MROH2B: variants seen among roughly 807,000 people sequenced by gnomAD.
MROH2B encodes maestro heat like repeat family member 2B.
MROH2B carries 177 observed loss-of-function variants against 208.6 expected under a neutral mutation model. The observed-to-expected ratio is 0.85, with a 90% CI of 0.75 to 0.96. MROH2B has a LOEUF of 0.96. Ranked by LOEUF, MROH2B falls within the 40% of genes least tolerant of loss-of-function variation. MROH2B has a pLI of 0.00. For missense variants in MROH2B, 2,002 were observed against 1,878.7 expected (o/e 1.07, Z -1.21); for synonymous variants, 728 against 659.0 (o/e 1.10, Z -1.60).
intron 22 of MROH2B, among the ~76,000 whole-genome samples, chr5:41,033,444 T>C (rs1021774925): frequency 1.3e-5 from 2 of 152,164 alleles, no homozygotes; most frequent in East Asian, 1.9e-4. Flanking sequence ...TTCCACCTAG[T>C]ACCTGTATGC....
At chr5:41,010,812 C>A (rs1741750323) in intron 30 of MROH2B, among the ~76,000 whole-genome samples, 1 of 152,156 alleles carries the variant, frequency 6.6e-6, no homozygotes, top group Non-Finnish European at 1.5e-5. Context: ...TGTAGGTTTA[C>A]TGATCGTAAC....
At chr5:41,019,124 G>A in intron 24 of MROH2B, 106 bp from the exon 25 acceptor site, 4 of 1,415,828 alleles carry the variant, frequency 2.8e-6, no homozygotes, top group Non-Finnish European at 3.9e-6. Context: ...CAACTAACGT[G>A]TCACATTTTC....
chr5:41,000,440 G>A lies in MROH2B; in HGVS notation c.4351-89C>T, dbSNP rs1444337413. ...AATGCTGAATAGTACTGGGAAAGAAGCACTAAAAGTCAGTGGTGTGAATGG... is the reference window on the plus strand; with the variant it reads ...AATGCTGAATAGTACTGGGAAAGAAACACTAAAAGTCAGTGGTGTGAATGG... On this transcript the variant is annotated intron_variant, in intron 38 of 41. Coordinates refer to ENST00000399564, the MANE Select transcript of MROH2B (RefSeq NM_173489.5). 9.3e-6 allele frequency: 14 copies of A among 1,510,984 alleles called. No individual in the cohort carries two copies. The East Asian group carries it at 2.8e-4, about 30-fold the overall frequency. The allele number at this position is 1,510,984 out of a possible 1,614,324, so 93.6% of individuals were successfully genotyped here. A position where few individuals can be genotyped will look rare whatever the true frequency, so the allele number is the denominator to read the frequency against.
chr5:41,018,491 TTC>T, intron 26 of MROH2B, 61 bp from the exon 27 acceptor site: 1 of 1,545,252 alleles, frequency 6.5e-7, no homozygotes, highest in Non-Finnish European at 8.8e-7. Context: ...TAGTTTCATA[TTC>T]TCTTTTTCTG....
At chr5:41,020,666 G>A (rs1375429792) in intron 24 of MROH2B, among the ~76,000 whole-genome samples, 3 of 151,946 alleles carry the variant, frequency 2.0e-5, no homozygotes, top group African/African-American at 7.3e-5. Flanking sequence ...GCCCAAAGGT[G>A]TTTATCAAAG....
chr5:41,069,733 G>C lies in MROH2B; in HGVS notation c.48C>G (p.Asn16Lys). ...EESIEMFGDI[N>K]LTLGMLNKED... is the part of the protein sequence containing the mutation. ...CCTTGTTCAGCATGCCAAGAGTGAG[G>C]TTAATATCCCCAAACATCTCTAAAA... Residue 16 changes from asparagine (N) to lysine (K), a missense_variant, in exon 2 of 42, where the codon AAC (asparagine) becomes AAG (lysine). Asn to Lys is a moderately conservative substitution (Grantham distance 94). Coordinates refer to ENST00000399564, the MANE Select transcript of MROH2B (RefSeq NM_173489.5). 6.2e-7 allele frequency: 1 copy of C among 1,606,630 alleles called. No individual in the cohort carries two copies. The highest frequency in any genetic ancestry group is 8.5e-7 in the Non-Finnish European group (1 of 1,175,574).
chr5:41,029,169 C>T (rs537184140), intron 24 of MROH2B, among the ~76,000 whole-genome samples: 5 of 152,126 alleles, frequency 3.3e-5, no homozygotes, highest in Admixed American at 2.6e-4. Context: ...GCTATCTTAA[C>T]AGGTATGAGG....
chr5:41,024,050 A>G (rs1742257991), intron 24 of MROH2B, among the ~76,000 whole-genome samples: 1 of 152,196 alleles, frequency 6.6e-6, no homozygotes, highest in Non-Finnish European at 1.5e-5. Context: ...AACATGGTAA[A>G]GAACAACCAG....
intron 34 of MROH2B, among the ~76,000 whole-genome samples, chr5:41,005,986 G>A (rs573644433): frequency 6.1e-5 from 9 of 148,640 alleles, no homozygotes; most frequent in African/African-American, 2.0e-4. Flanking sequence ...AGCCGAGATC[G>A]CGCCACTGCA....
intron 17 of MROH2B, 98 bp downstream of exon 17, chr5:41,047,623 T>A: frequency 9.2e-7 from 1 of 1,090,284 alleles, no homozygotes; most frequent in East Asian, 2.6e-5. Flanking sequence ...AAAGGTTGTT[T>A]ATTATCCTCA....
At chr5:41,003,112 C>T (rs567653454) in intron 37 of MROH2B, among the ~76,000 whole-genome samples, 20 of 152,054 alleles carry the variant, frequency 1.3e-4, no homozygotes, top group African/African-American at 2.9e-4. Flanking sequence ...AGGCGCGCAC[C>T]GCCACACCCA....
At chr5:41,033,427 T>C (rs923959220) in intron 22 of MROH2B, among the ~76,000 whole-genome samples, 5 of 152,110 alleles carry the variant, frequency 3.3e-5, no homozygotes, top group African/African-American at 7.2e-5. Context: ...TAGGAAACAG[T>C]TTACAATTCC....
chr5:40,999,556 G>T, intron 40 of MROH2B, 121 bp downstream of exon 40: 1 of 677,022 alleles, frequency 1.5e-6, no homozygotes, highest in Non-Finnish European at 2.4e-6. Flanking sequence ...AGCCCTTTCT[G>T]GGCTTTAATA....
At chr5:41,039,738 G>A (rs1052894540) in intron 19 of MROH2B, among the ~76,000 whole-genome samples, 183 bp from the exon 20 acceptor site, 4 of 152,114 alleles carry the variant, frequency 2.6e-5, no homozygotes, top group African/African-American at 9.7e-5. Flanking sequence ...GAAGCAACAG[G>A]GAAGTGAAAT....
chr5:41,061,619 A>G lies in MROH2B; in HGVS notation c.566T>C (p.Leu189Pro). The G allele has an allele frequency of 6.2e-7, 1 of 1,613,948 alleles. No individual in the cohort carries two copies. The highest frequency in any genetic ancestry group is 8.5e-7 in the Non-Finnish European group (1 of 1,179,848). The stretch of plus-strand genomic sequence containing the variant: ...CCACTTCTCCATTATATACCAGAAC[A>G]GCATGAAGATCTTGTCAGACAGTCG... ...ANRLSDKIFMLFWYIMEKWAP... is the reference protein window; with the variant it reads ...ANRLSDKIFMPFWYIMEKWAP... The change falls in exon 6 of 42, where the codon CTG (leucine) becomes CCG (proline). Residue 189 changes from leucine to proline, a missense_variant. Coordinates refer to ENST00000399564, the MANE Select transcript of MROH2B (RefSeq NM_173489.5).
chr5:40,998,359 GC>G (rs1741275315), intron 41 of MROH2B, among the ~76,000 whole-genome samples: 1 of 152,134 alleles, frequency 6.6e-6, no homozygotes, highest in Non-Finnish European at 1.5e-5. Context: ...GGAAGAGAAG[GC>G]CCTGACCTTG....
chr5:41,049,166 C>A (rs1396699283), intron 14 of MROH2B, 25 bp from the exon 15 acceptor site: 1 of 1,602,406 alleles, frequency 6.2e-7, no homozygotes, highest in African/African-American at 1.3e-5. Flanking sequence ...CAATTTTCAT[C>A]ATCACTGCAG....
chr5:41,050,977 C>CT lies in MROH2B; in HGVS notation c.1343dup (p.Val449GlyfsTer24). ...TAAGTGGTGACAAAAGACCACTTACCTGAGGCATTCCAATGACCAGTGGGT... is the reference window on the plus strand; with the variant it reads ...TAAGTGGTGACAAAAGACCACTTACCTTGAGGCATTCCAATGACCAGTGGGT... On this transcript the variant is annotated frameshift_variant and splice_region_variant, in exon 13 of 42. Coordinates refer to ENST00000399564, the MANE Select transcript of MROH2B (RefSeq NM_173489.5). LOFTEE classifies it high-confidence loss of function. 1 of 1,565,250 alleles carries CT rather than the reference C, an allele frequency of 6.4e-7. No individual in the cohort carries two copies. The highest frequency in any genetic ancestry group is 8.6e-7 in the Non-Finnish European group (1 of 1,158,432).
Position 41,004,470 on chromosome 5 carries a change from G to C in MROH2B, c.4070C>G (p.Ala1357Gly). The change falls in exon 37 of 42, where the codon GCT becomes GGT. Residue 1357 changes from alanine to glycine, a missense_variant. Ala to Gly is a moderately conservative substitution (Grantham distance 60, BLOSUM62 0). Coordinates refer to ENST00000399564, the MANE Select transcript of MROH2B (RefSeq NM_173489.5). ...GCTTTCACAGACGACTTCAGTGCGAGCTAGGTGATACAGGCCTCTGATGAT... is the reference window on the plus strand; with the variant it reads ...GCTTTCACAGACGACTTCAGTGCGACCTAGGTGATACAGGCCTCTGATGAT... Reference protein sequence around the residue: ...ESIIRGLYHLARTEVVCESLK... With the variant: ...ESIIRGLYHLGRTEVVCESLK... The C allele has an allele frequency of 6.2e-7, 1 of 1,614,002 alleles. No individual in the cohort carries two copies. Among genetic ancestry groups the C allele is most frequent in the Non-Finnish European group, 8.5e-7 (1 of 1,179,878 alleles).
Sources: gnomAD v4.1 joint callset for allele counts (sites outside exome capture counted in the v4.1 genomes callset) on GRCh38, gnomAD v4.1.1 for gene constraint, MANE v1.5 for transcripts, NCBI Gene and HGNC (gene_info 2026-07-23, HGNC 2026-07-21) for gene names.